CDH13: variants seen among roughly 807,000 people sequenced by gnomAD.
CDH13 encodes cadherin 13, also known as cadherin-13.
Under a neutral mutation model 63.8 loss-of-function variants are expected in CDH13, and 24 were observed. The observed-to-expected ratio is 0.38, with a 90% CI of 0.27 to 0.53. The LOEUF is 0.53. Among genes scored for constraint, CDH13 ranks in the 20% least tolerant of loss-of-function variants. The pLI is 0.85. For missense variants in CDH13, 1,049 were observed against 903.1 expected (o/e 1.16, Z -2.07); for synonymous variants, 503 against 355.3 (o/e 1.42, Z -4.67).
At chr16:83,466,386 G>A (rs759200366) in intron 6 of CDH13, among the ~76,000 whole-genome samples, 11 of 152,244 alleles carry the variant, frequency 7.2e-5, no homozygotes, top group Non-Finnish European at 1.2e-4. Context: ...CATTAGAACC[G>A]CCTTATATAC....
At chr16:82,965,829 G>A (rs1048251534) in intron 2 of CDH13, among the ~76,000 whole-genome samples, 3 of 152,172 alleles carry the variant, frequency 2.0e-5, no homozygotes, top group Non-Finnish European at 4.4e-5. Flanking sequence ...CTGTTTTGGA[G>A]TATTAGCCCA....
intron 4 of CDH13, among the ~76,000 whole-genome samples, chr16:83,179,782 C>T (rs976656158): frequency 6.6e-5 from 10 of 152,134 alleles, no homozygotes; most frequent in African/African-American, 2.4e-4. Context: ...TACATTGCCC[C>T]TAGATTTAGG....
chr16:83,532,490 G>C (rs552723520), intron 7 of CDH13, among the ~76,000 whole-genome samples: 1 of 152,332 alleles, frequency 6.6e-6, no homozygotes, highest in East Asian at 1.9e-4. Context: ...GAGAGACAGT[G>C]AGCTTCCTAG....
intron 6 of CDH13, among the ~76,000 whole-genome samples, chr16:83,406,962 A>G (rs1369055825): frequency 1.3e-5 from 2 of 152,242 alleles, no homozygotes; most frequent in South Asian, 2.1e-4. Flanking sequence ...ATTACATCAT[A>G]GTAATTGCTT....
chr16:82,927,283 C>T (rs1399512106), intron 2 of CDH13, among the ~76,000 whole-genome samples: 1 of 152,094 alleles, frequency 6.6e-6, no homozygotes, highest in African/African-American at 2.4e-5. Context: ...GTCAAGGAGA[C>T]AGAAAATAAA....
chr16:83,349,170 C>T (rs955441242), intron 6 of CDH13, among the ~76,000 whole-genome samples: 57 of 152,314 alleles, frequency 3.7e-4, no homozygotes, highest in African/African-American at 1.3e-3. Flanking sequence ...CTTTGCAGAT[C>T]GTGAGCTGTT....
intron 2 of CDH13, chr16:82,859,782 G>GAC (rs1488723287): frequency 6.6e-6 from 1 of 151,870 alleles, no homozygotes; most frequent in African/African-American, 2.4e-5. Context: ...GTGAGGCTGG[G>GAC]ACACACTCTA....
chr16:82,929,772 A>G (rs1254861657), intron 2 of CDH13, among the ~76,000 whole-genome samples: 8 of 151,654 alleles, frequency 5.3e-5, no homozygotes, highest in African/African-American at 1.9e-4. Context: ...CTCCAGAGCT[A>G]TAAGAAATAA....
chr16:83,297,848 A>C (rs1567572992), intron 5 of CDH13, among the ~76,000 whole-genome samples: 1 of 152,102 alleles, frequency 6.6e-6, no homozygotes, highest in Non-Finnish European at 1.5e-5. Context: ...AAACTTTTCA[A>C]AGTGAGATCC....
At chr16:83,623,392 A>G (rs1469002549) in intron 8 of CDH13, among the ~76,000 whole-genome samples, 2 of 152,072 alleles carry the variant, frequency 1.3e-5, no homozygotes, top group Non-Finnish European at 1.5e-5. Context: ...AGCATGCACT[A>G]TCGGCTTTAT....
At chr16:82,959,020 C>T (rs1325278717) in intron 2 of CDH13, among the ~76,000 whole-genome samples, 1 of 152,204 alleles carries the variant, frequency 6.6e-6, no homozygotes, top group Non-Finnish European at 1.5e-5. Context: ...CTACATCAGA[C>T]AGTATTTTGG....
chr16:82,642,028 C>T (rs974431163), intron 1 of CDH13, among the ~76,000 whole-genome samples: 8 of 150,572 alleles, frequency 5.3e-5, no homozygotes, highest in African/African-American at 2.0e-4. Flanking sequence ...CTTCCATTCA[C>T]CAACTCCTTA....
intron 2 of CDH13, among the ~76,000 whole-genome samples, chr16:82,892,867 C>T (rs1337592266): frequency 6.6e-6 from 1 of 151,930 alleles, no homozygotes; most frequent in Non-Finnish European, 1.5e-5. Flanking sequence ...ACAGTAGTGT[C>T]AAGTATGGTA....
intron 7 of CDH13, among the ~76,000 whole-genome samples, chr16:83,599,090 A>G (rs369293604): frequency 6.6e-6 from 1 of 152,200 alleles, no homozygotes; most frequent in African/African-American, 2.4e-5. Context: ...AGGGTGAGGA[A>G]GGGGTGATGC....
chr16:82,627,448 C>T (rs894946789), intron 1 of CDH13, among the ~76,000 whole-genome samples: 1 of 151,634 alleles, frequency 6.6e-6, no homozygotes, highest in African/African-American at 2.4e-5. Context: ...ACATTCTCGC[C>T]CACATCAAGT....
chr16:83,443,735 A>AATATATATAT (rs1192288855), intron 6 of CDH13, among the ~76,000 whole-genome samples: 4 of 20,140 alleles, frequency 2.0e-4, no homozygotes, highest in African/African-American at 4.6e-4. Flanking sequence ...AAAAAAAAAA[A>AATATATATAT]ATATATATAT....
intron 6 of CDH13, among the ~76,000 whole-genome samples, chr16:83,445,385 T>A (rs1414074271): frequency 6.6e-6 from 1 of 152,064 alleles, no homozygotes; most frequent in East Asian, 1.9e-4. Context: ...TCCTAAGTTT[T>A]CCCTAAAATG....
At chr16:83,437,347 C>A (rs759451322) in intron 6 of CDH13, among the ~76,000 whole-genome samples, 1 of 152,074 alleles carries the variant, frequency 6.6e-6, no homozygotes, top group African/African-American at 2.4e-5. Context: ...GAACAGGGAA[C>A]GTACTCAGCT....
intron 5 of CDH13, among the ~76,000 whole-genome samples, chr16:83,243,970 A>G (rs998447063): frequency 6.6e-6 from 1 of 152,120 alleles, no homozygotes; most frequent in Non-Finnish European, 1.5e-5. Context: ...GTTTATCAGC[A>G]TTGTAGGAAG....
Sources: allele counts gnomAD v4.1 joint callset (sites outside exome capture counted in the v4.1 genomes callset), GRCh38; gene constraint gnomAD v4.1.1; transcripts MANE v1.5; gene names NCBI Gene and HGNC (gene_info 2026-07-23, HGNC 2026-07-21).